The following ANKS1B variants were observed in gnomAD, a reference collection of about 807,000 sequenced individuals.
ANKS1B encodes ankyrin repeat and sterile alpha motif domain containing 1B, also known as ankyrin repeat and sterile alpha motif domain-containing protein 1B.
ANKS1B carries 36 observed loss-of-function variants against 148.3 expected under a neutral mutation model. That is an observed-to-expected ratio of 0.24 (90% confidence interval 0.19 to 0.32). The LOEUF is 0.32. Ranked by LOEUF, ANKS1B falls within the 10% of genes least tolerant of loss-of-function variation. The pLI is 1.00. For synonymous variants in ANKS1B, 542 were observed against 560.8 expected (o/e 0.97, Z 0.47); for missense variants, 1,157 against 1,542.6 (o/e 0.75, Z 4.19).
At chr12:99,697,670 C>T (rs1022170185) in intron 8 of ANKS1B, among the ~76,000 whole-genome samples, 4 of 152,064 alleles carry the variant, frequency 2.6e-5, no homozygotes, top group Non-Finnish European at 4.4e-5. Flanking sequence ...GGCTACATGA[C>T]ATTATGGATT....
At chr12:99,204,235 G>A (rs1566625287) in intron 14 of ANKS1B, among the ~76,000 whole-genome samples, 1 of 152,184 alleles carries the variant, frequency 6.6e-6, no homozygotes, top group South Asian at 2.1e-4. Flanking sequence ...TTTCAGGCAG[G>A]TGTAAATAGC....
chr12:99,465,851 A>T lies in ANKS1B; in HGVS notation c.1439-22042T>A, dbSNP rs1425748710. On this transcript the variant is annotated intron_variant, in intron 10 of 26. Coordinates refer to ENST00000683438, the MANE Select transcript of ANKS1B (RefSeq NM_001352186.2). ...TCCCACACAATAATAATGGGAGACT[A>T]TAACACCCCACTGTCAACATTAGAC... 7.9e-5 allele frequency among the ~76,000 whole-genome samples: 12 copies of T among 152,240 alleles called. No homozygotes were observed. The East Asian group carries it at 1.9e-3, about 25-fold the overall frequency.
intron 1 of ANKS1B, among the ~76,000 whole-genome samples, chr12:99,864,724 A>T (rs1225851109): frequency 6.6e-6 from 1 of 152,210 alleles, no homozygotes; most frequent in Non-Finnish European, 1.5e-5. Flanking sequence ...TGATATAATA[A>T]CATCTACCTT....
intron 17 of ANKS1B, among the ~76,000 whole-genome samples, chr12:98,966,388 A>T (rs376986835): frequency 6.6e-6 from 1 of 152,158 alleles, no homozygotes; most frequent in Non-Finnish European, 1.5e-5. Context: ...TCATTAAAAA[A>T]TCAGGAAACA....
At chr12:99,368,570 AT>A (rs1216630103) in intron 12 of ANKS1B, among the ~76,000 whole-genome samples, 1 of 152,080 alleles carries the variant, frequency 6.6e-6, no homozygotes, top group Non-Finnish European at 1.5e-5. Flanking sequence ...TTTAATCAAA[AT>A]CCTTCATATG....
At chr12:99,833,617 G>A (rs1046504070) in intron 1 of ANKS1B, among the ~76,000 whole-genome samples, 3 of 152,222 alleles carry the variant, frequency 2.0e-5, no homozygotes, top group Non-Finnish European at 4.4e-5. Flanking sequence ...CAGGAGCCAA[G>A]TTTCAGTTAA....
intron 19 of ANKS1B, among the ~76,000 whole-genome samples, chr12:98,812,885 G>A (rs1419317637): frequency 6.6e-6 from 1 of 152,164 alleles, no homozygotes; most frequent in African/African-American, 2.4e-5. Flanking sequence ...ATGCATTCCA[G>A]ATACCGCAGT....
At chr12:98,803,876 A>G (rs545235797) in intron 20 of ANKS1B, among the ~76,000 whole-genome samples, 1 of 152,364 alleles carries the variant, frequency 6.6e-6, no homozygotes, top group East Asian at 1.9e-4. Flanking sequence ...AGCCAGAGCC[A>G]CAGCCAAATG....
At chr12:99,355,484 A>C (rs1210766621) in intron 12 of ANKS1B, among the ~76,000 whole-genome samples, 1 of 152,160 alleles carries the variant, frequency 6.6e-6, no homozygotes, top group African/African-American at 2.4e-5. Context: ...GGTGAGTAAT[A>C]CTAATTTGGG....
chr12:99,853,805 C>T (rs1411927505), intron 1 of ANKS1B, among the ~76,000 whole-genome samples: 1 of 151,504 alleles, frequency 6.6e-6, no homozygotes, highest in African/African-American at 2.4e-5. Context: ...TGATGTCCAA[C>T]TAAAAGAAAT....
chr12:99,728,902 G>A lies in ANKS1B; in HGVS notation c.1128+44020C>T, dbSNP rs553565342. The stretch of plus-strand genomic sequence containing the variant: ...ACACAGGAAGAGAAAACCAAACACC[G>A]CATGTTTTCACTCATAAGTGGGAGC... On this transcript the variant is annotated intron_variant, in intron 8 of 26. Coordinates refer to ENST00000683438, the MANE Select transcript of ANKS1B (RefSeq NM_001352186.2). Among the ~76,000 whole-genome samples the A allele has an allele frequency of 3.7e-4, 57 of 152,202 alleles. 1 individual carries two copies. The East Asian group carries it at 9.8e-3, about 26-fold the overall frequency.
chr12:99,569,443 A>C (rs1458225411), intron 9 of ANKS1B, among the ~76,000 whole-genome samples: 3 of 152,218 alleles, frequency 2.0e-5, no homozygotes, highest in African/African-American at 7.2e-5. Flanking sequence ...TATAGAGTTG[A>C]TATAAAAATT....
chr12:99,717,271 T>C lies in ANKS1B; in HGVS notation c.1128+55651A>G, dbSNP rs545595291. ...CCTCAAACCCCACAACAGGACTTAA[T>C]TAACCTCTCCTTCAAGGTGTACAAT... is the stretch of plus-strand genomic sequence containing the variant. On this transcript the variant is annotated intron_variant, in intron 8 of 26. Coordinates refer to ENST00000683438, the MANE Select transcript of ANKS1B (RefSeq NM_001352186.2). Among the ~76,000 whole-genome samples the C allele has an allele frequency of 1.1e-4, 16 of 152,292 alleles. No homozygotes were observed. The East Asian group carries it at 1.7e-3, about 16-fold the overall frequency.
rs186770621 is a variant in ANKS1B, at chr12:99,760,733, T to C, written c.1128+12189A>G. Among the ~76,000 whole-genome samples, 9 of 150,936 alleles carry C rather than the reference T, an allele frequency of 6.0e-5. No homozygotes were observed. In the South Asian group the frequency reaches 6.3e-4, roughly 11 times the overall value. ...AATGAAATTAAGACCCAAAAATTCA[T>C]ACAAAAAAATCTATAAAACCAAAAG... is the stretch of plus-strand genomic sequence containing the variant. On this transcript the variant is annotated intron_variant, in intron 8 of 26. Transcript: ENST00000683438.
intron 17 of ANKS1B, among the ~76,000 whole-genome samples, chr12:98,905,262 C>T (rs1197471263): frequency 6.6e-6 from 1 of 152,186 alleles, no homozygotes; most frequent in African/African-American, 2.4e-5. Flanking sequence ...GCTGGGCAAG[C>T]TACTATGAAG....
chr12:99,217,332 CT>C (rs2084373757), intron 14 of ANKS1B, among the ~76,000 whole-genome samples: 1 of 151,776 alleles, frequency 6.6e-6, no homozygotes. Flanking sequence ...GCTAAATTTC[CT>C]TGAAATCTAG....
chr12:99,677,464 C>T (rs2098583945), intron 8 of ANKS1B, among the ~76,000 whole-genome samples: 1 of 152,052 alleles, frequency 6.6e-6, no homozygotes, highest in Non-Finnish European at 1.5e-5. Context: ...TTTAAAACTG[C>T]ACAAGTGGGA....
chr12:99,661,616 TC>T (rs1219089188), intron 8 of ANKS1B, among the ~76,000 whole-genome samples: 8 of 152,144 alleles, frequency 5.3e-5, no homozygotes, highest in African/African-American at 1.9e-4. Flanking sequence ...ATACCAAACT[TC>T]CTCTTGCCTC....
chr12:99,639,654 G>C (rs2098281256), intron 9 of ANKS1B, among the ~76,000 whole-genome samples: 2 of 152,120 alleles, frequency 1.3e-5, no homozygotes, highest in Admixed American at 1.3e-4. Context: ...CACGAGATCT[G>C]ATGGTTTTAA....
Sources: gnomAD v4.1 joint callset for allele counts (sites outside exome capture counted in the v4.1 genomes callset) on GRCh38, gnomAD v4.1.1 for gene constraint, MANE v1.5 for transcripts, NCBI Gene and HGNC (gene_info 2026-07-23, HGNC 2026-07-21) for gene names.